EYS: variants seen among roughly 807,000 people sequenced by gnomAD.
The protein encoded by EYS is protein eyes shut homolog.
EYS carries 250 observed loss-of-function variants against 282.1 expected under a neutral mutation model. The ratio of observed to expected loss-of-function variants is 0.89; its 90% CI spans 0.80 to 0.98. The LOEUF (loss-of-function observed/expected upper bound fraction) is 0.98. Among genes scored for constraint, EYS ranks in the 50% least tolerant of loss-of-function variants. The probability of loss-of-function intolerance (pLI) is 0.00; values close to 1 mark genes in which losing one functional copy is unlikely to be tolerated. For synonymous variants in EYS, 1,355 were observed against 1,282.9 expected (o/e 1.06, Z -1.20); for missense variants, 4,016 against 3,709.0 (o/e 1.08, Z -2.15).
At chr6:64,369,457 T>C (rs987782920) in intron 29 of EYS, among the ~76,000 whole-genome samples, 12 of 152,144 alleles carry the variant, frequency 7.9e-5, no homozygotes, top group African/African-American at 2.4e-4. Context: ...ATGTCACTGG[T>C]AGTTGAATGG....
intron 29 of EYS, among the ~76,000 whole-genome samples, chr6:64,372,408 C>T (rs1772414200): frequency 6.6e-6 from 1 of 152,084 alleles, no homozygotes; most frequent in Non-Finnish European, 1.5e-5. Context: ...GACAAGTCTG[C>T]TGTTAGCCTG....
intron 22 of EYS, among the ~76,000 whole-genome samples, chr6:64,782,931 A>G (rs1236790980): frequency 1.3e-5 from 2 of 152,196 alleles, no homozygotes; most frequent in Non-Finnish European, 2.9e-5. Context: ...TAAATTACCA[A>G]TGGTCAGCCA....
chr6:65,662,263 C>A (rs976287969), intron 1 of EYS, among the ~76,000 whole-genome samples: 1 of 152,078 alleles, frequency 6.6e-6, no homozygotes, highest in Non-Finnish European at 1.5e-5. Flanking sequence ...GGTTTATCTT[C>A]TACTCAAATT....
intron 19 of EYS, among the ~76,000 whole-genome samples, chr6:64,849,367 G>T (rs906743181): frequency 1.3e-5 from 2 of 151,834 alleles, no homozygotes; most frequent in African/African-American, 4.8e-5. Flanking sequence ...TAGAATTATA[G>T]TCAGAGGTAA....
intron 1 of EYS, among the ~76,000 whole-genome samples, chr6:65,659,759 T>C (rs1047293776): frequency 2.6e-5 from 4 of 151,872 alleles, no homozygotes; most frequent in African/African-American, 9.7e-5. Flanking sequence ...ACTAATTTTA[T>C]GAACTTACTA....
At chr6:64,752,016 C>G (rs951162703) in intron 22 of EYS, among the ~76,000 whole-genome samples, 1 of 152,018 alleles carries the variant, frequency 6.6e-6, no homozygotes, top group African/African-American at 2.4e-5. Flanking sequence ...TAAGAATAGA[C>G]AGTTTCTCCA....
At chr6:65,051,332 G>A (rs996978229) in intron 13 of EYS, among the ~76,000 whole-genome samples, 8 of 151,388 alleles carry the variant, frequency 5.3e-5, no homozygotes, top group Non-Finnish European at 5.9e-5. Context: ...ATATGTGCAG[G>A]TTTCATTTTA....
At position 64,462,800 on chromosome 6, in the gene EYS, G is replaced by A. The variant is rs118167819; in HGVS notation, c.5645-23448C>T. Among the ~76,000 whole-genome samples, 347 of 151,962 alleles carry A rather than the reference G, an allele frequency of 2.3e-3. 6 individuals carry two copies. The highest frequency in any genetic ancestry group is 0.016 in the Admixed American group (247 of 15,240). On this transcript the variant is annotated intron_variant, in intron 26 of 42. Coordinates refer to ENST00000503581, the MANE Select transcript of EYS (RefSeq NM_001142800.2). ...TTGCGGGATTTCAGGAGGGAGTACA[G>A]GTAAATCTATGTAAATTATTTCATT...
At chr6:63,963,695 A>C (rs376299289) in intron 35 of EYS, among the ~76,000 whole-genome samples, 1 of 152,206 alleles carries the variant, frequency 6.6e-6, no homozygotes, top group Non-Finnish European at 1.5e-5. Context: ...AGTAACTGAC[A>C]ACTCATTGCC....
intron 22 of EYS, among the ~76,000 whole-genome samples, chr6:64,680,568 C>G (rs1426063963): frequency 6.6e-6 from 1 of 152,144 alleles, no homozygotes; most frequent in African/African-American, 2.4e-5. Context: ...ATGGAAAGGC[C>G]ACCAGCATTT....
chr6:65,684,363 C>T (rs560749662), intron 1 of EYS, among the ~76,000 whole-genome samples: 1 of 152,016 alleles, frequency 6.6e-6, no homozygotes, highest in African/African-American at 2.4e-5. Flanking sequence ...AGCTGTGGCA[C>T]TTCCTCTGTC....
chr6:64,066,899 T>C (rs1771391070), intron 32 of EYS, among the ~76,000 whole-genome samples: 1 of 152,166 alleles, frequency 6.6e-6, no homozygotes, highest in South Asian at 2.1e-4. Flanking sequence ...TTATTGAATC[T>C]AATGTTTAAA....
intron 26 of EYS, among the ~76,000 whole-genome samples, chr6:64,482,555 G>A (rs1776465272): frequency 6.6e-6 from 1 of 151,734 alleles, no homozygotes; most frequent in Middle Eastern, 3.4e-3. Flanking sequence ...CTATCTCACA[G>A]ATTTTTGAAG....
intron 29 of EYS, among the ~76,000 whole-genome samples, chr6:64,335,579 TG>T (rs2150393270): frequency 6.6e-6 from 1 of 152,284 alleles, no homozygotes; most frequent in South Asian, 2.1e-4. Context: ...TCAGACTTTC[TG>T]GACGTATGTC....
chr6:64,296,598 A>ATTT (rs1173183488), intron 30 of EYS, among the ~76,000 whole-genome samples: 11 of 20,112 alleles, frequency 5.5e-4, no homozygotes, highest in African/African-American at 9.6e-4. Context: ...ATATATATAT[A>ATTT]TTTTTTTTTT....
chr6:64,220,125 T>C (rs1321172842), intron 31 of EYS, among the ~76,000 whole-genome samples: 5 of 152,144 alleles, frequency 3.3e-5, no homozygotes, highest in African/African-American at 7.2e-5. Context: ...GGCACATGTA[T>C]ACATATGTAA....
chr6:63,941,269 A>G (rs1562106717), intron 35 of EYS, among the ~76,000 whole-genome samples: 1 of 152,198 alleles, frequency 6.6e-6, no homozygotes, highest in Non-Finnish European at 1.5e-5. Flanking sequence ...ACTGACTTCC[A>G]CAATGGTTGA....
At chr6:64,798,539 A>C (rs1774431255) in intron 22 of EYS, among the ~76,000 whole-genome samples, 1 of 151,502 alleles carries the variant, frequency 6.6e-6, no homozygotes, top group South Asian at 2.1e-4. Flanking sequence ...ATTAATTCTA[A>C]AATTGACTAT....
chr6:64,298,607 T>TA (rs1297271820), intron 30 of EYS, among the ~76,000 whole-genome samples: 1 of 152,006 alleles, frequency 6.6e-6, no homozygotes, highest in Non-Finnish European at 1.5e-5. Context: ...GATGGTAATG[T>TA]AAAAAATGAG....
Sources: allele counts gnomAD v4.1 joint callset (sites outside exome capture counted in the v4.1 genomes callset), GRCh38; gene constraint gnomAD v4.1.1; transcripts MANE v1.5; gene names NCBI Gene and HGNC (gene_info 2026-07-23, HGNC 2026-07-21).